Variants in PRKAG2 observed in about 807,000 individuals in gnomAD.
PRKAG2 encodes the protein 5'-AMP-activated protein kinase subunit gamma-2.
Under a neutral mutation model 69.6 loss-of-function variants are expected in PRKAG2, and 26 were observed. The observed-to-expected ratio is 0.37, with a 90% confidence interval of 0.27 to 0.52. The LOEUF (loss-of-function observed/expected upper bound fraction) is 0.52. Ranked by LOEUF, PRKAG2 falls within the 20% of genes least tolerant of loss-of-function variation. The probability of loss-of-function intolerance (pLI) is 0.90; values close to 1 mark genes in which losing one functional copy is unlikely to be tolerated. For synonymous variants in PRKAG2, 293 were observed against 285.0 expected (o/e 1.03, Z -0.28); for missense variants, 557 against 740.0 (o/e 0.75, Z 2.87).
chr7:151,746,591 G>T (rs2074295564), intron 3 of PRKAG2, among the ~76,000 whole-genome samples: 1 of 152,232 alleles, frequency 6.6e-6, no homozygotes. Flanking sequence ...CTCTGTCCCT[G>T]AAAGCAGCCT....
At chr7:151,735,794 A>T in intron 3 of PRKAG2, 1 of 1,419,364 alleles carries the variant, frequency 7.0e-7, no homozygotes, top group Middle Eastern at 1.8e-4. Flanking sequence ...CCCAGTTGGA[A>T]GAGAGTGGCT....
chr7:151,671,998 T>C (rs971647413), intron 4 of PRKAG2, among the ~76,000 whole-genome samples: 1 of 152,180 alleles, frequency 6.6e-6, no homozygotes, highest in Non-Finnish European at 1.5e-5. Flanking sequence ...TGGTGATAAA[T>C]ATACATAAAA....
chr7:151,803,294 G>A (rs535836988), intron 1 of PRKAG2, among the ~76,000 whole-genome samples: 7 of 152,174 alleles, frequency 4.6e-5, no homozygotes, highest in African/African-American at 1.7e-4. Flanking sequence ...CTGGGGAGCC[G>A]GAATTCCTTG....
chr7:151,677,854 G>C (rs868508087), intron 3 of PRKAG2, among the ~76,000 whole-genome samples: 1 of 152,340 alleles, frequency 6.6e-6, no homozygotes, highest in Middle Eastern at 3.4e-3. Flanking sequence ...ACATGGCTGA[G>C]AGCTGGGCTC....
chr7:151,706,921 C>T (rs549272048), intron 3 of PRKAG2, among the ~76,000 whole-genome samples: 3 of 152,348 alleles, frequency 2.0e-5, no homozygotes, highest in African/African-American at 7.2e-5. Context: ...CCTCCAGAGG[C>T]GTCTACCATG....
chr7:151,813,822 C>G (rs1275101777), intron 1 of PRKAG2, among the ~76,000 whole-genome samples: 2 of 152,188 alleles, frequency 1.3e-5, no homozygotes, highest in East Asian at 3.9e-4. Context: ...GCGTTGGGCT[C>G]CACGCTCCGC....
chr7:151,833,549 CG>C (rs1288051950), intron 1 of PRKAG2, among the ~76,000 whole-genome samples: 4 of 152,140 alleles, frequency 2.6e-5, no homozygotes, highest in African/African-American at 9.7e-5. Context: ...AGAGCCAGAG[CG>C]GGGCGGCAGG....
intron 5 of PRKAG2, among the ~76,000 whole-genome samples, chr7:151,599,039 A>T (rs867047336): frequency 2.0e-5 from 3 of 151,992 alleles, no homozygotes; most frequent in African/African-American, 7.3e-5. Flanking sequence ...TTTAGTAGAG[A>T]CGGGGTTTCA....
chr7:151,568,612 C>G, intron 11 of PRKAG2, 104 bp downstream of exon 11: 1 of 1,306,240 alleles, frequency 7.7e-7, no homozygotes, highest in Non-Finnish European at 1.1e-6. Context: ...GACCTCAAAA[C>G]TAACAATTTC....
At chr7:151,607,926 A>G (rs1012973095) in intron 5 of PRKAG2, among the ~76,000 whole-genome samples, 3 of 152,196 alleles carry the variant, frequency 2.0e-5, no homozygotes, top group African/African-American at 7.2e-5. Context: ...CCTTATTTGC[A>G]ATAAGGGTCT....
chr7:151,829,079 C>T (rs1186072491), intron 1 of PRKAG2, among the ~76,000 whole-genome samples: 13 of 152,184 alleles, frequency 8.5e-5, no homozygotes. Context: ...TGCTTCAAAG[C>T]ACACCATCAA....
chr7:151,563,751 TTTTTA>T (rs1805606218), intron 14 of PRKAG2, among the ~76,000 whole-genome samples: 1 of 152,212 alleles, frequency 6.6e-6, no homozygotes, highest in Non-Finnish European at 1.5e-5. Flanking sequence ...AGCTAATTTA[TTTTTA>T]TTTTTAGTAG....
At chr7:151,735,236 G>A (rs916697581) in intron 3 of PRKAG2, among the ~76,000 whole-genome samples, 15 of 152,020 alleles carry the variant, frequency 9.9e-5, no homozygotes, top group Admixed American at 2.0e-4. Context: ...GAAAGCTTTG[G>A]AATCGACCTG....
At chr7:151,594,208 T>C (rs555319295) in intron 6 of PRKAG2, among the ~76,000 whole-genome samples, 1 of 152,234 alleles carries the variant, frequency 6.6e-6, no homozygotes, top group South Asian at 2.1e-4. Flanking sequence ...TGTCTTCCCC[T>C]GCCCTGCTCT....
At chr7:151,738,546 T>A (rs1383738519) in intron 3 of PRKAG2, among the ~76,000 whole-genome samples, 1 of 152,290 alleles carries the variant, frequency 6.6e-6, no homozygotes, top group East Asian at 1.9e-4. Flanking sequence ...ACACCTGGCC[T>A]GCCCAGGGCG....
intron 3 of PRKAG2, among the ~76,000 whole-genome samples, chr7:151,693,895 G>A (rs187507334): frequency 8.5e-5 from 13 of 152,318 alleles, no homozygotes; most frequent in Admixed American, 3.3e-4. Flanking sequence ...GTTTTGAGAC[G>A]GAGTCTCGCA....
At chr7:151,693,511 T>A (rs966754405) in intron 3 of PRKAG2, among the ~76,000 whole-genome samples, 3 of 152,258 alleles carry the variant, frequency 2.0e-5, no homozygotes, top group African/African-American at 7.2e-5. Context: ...AGAGCTTGCT[T>A]TATTTTTAGC....
chr7:151,761,682 T>C (rs2075421002), intron 3 of PRKAG2, among the ~76,000 whole-genome samples: 1 of 152,234 alleles, frequency 6.6e-6, no homozygotes, highest in Non-Finnish European at 1.5e-5. Flanking sequence ...ACCGGACTCA[T>C]GTCAGTTAAC....
intron 3 of PRKAG2, among the ~76,000 whole-genome samples, chr7:151,739,902 T>C (rs1302133017): frequency 1.3e-5 from 2 of 152,178 alleles, no homozygotes; most frequent in Non-Finnish European, 2.9e-5. Flanking sequence ...TTCCCCCAAG[T>C]GAGCCCTCCC....
Sources: allele counts gnomAD v4.1 joint callset (sites outside exome capture counted in the v4.1 genomes callset), GRCh38; gene constraint gnomAD v4.1.1; transcripts MANE v1.5; gene names NCBI Gene and HGNC (gene_info 2026-07-23, HGNC 2026-07-21).